SBNO1: variants seen among roughly 807,000 people sequenced by gnomAD.
SBNO1 encodes the protein protein strawberry notch homolog 1.
Under a neutral mutation model 173.6 loss-of-function variants are expected in SBNO1, and 23 were observed. That is an observed-to-expected ratio of 0.13 (90% CI 0.10 to 0.19). The LOEUF (loss-of-function observed/expected upper bound fraction) is 0.19, where lower values mean the gene tolerates loss of function less well. Ranked by LOEUF, SBNO1 falls within the 10% of genes least tolerant of loss-of-function variation. SBNO1 has a pLI of 1.00. For synonymous variants in SBNO1, 632 were observed against 571.5 expected (o/e 1.11, Z -1.51); for missense variants, 1,238 against 1,671.2 (o/e 0.74, Z 4.52).
intron 24 of SBNO1, among the ~76,000 whole-genome samples, chr12:123,313,221 TAAATAAATAAATA>T (rs1413233265): frequency 1.4e-5 from 2 of 143,258 alleles, no homozygotes; most frequent in African/African-American, 5.2e-5. Flanking sequence ...AATAAATAAA[TAAATAAATAAATA>T]AATAAATAAA....
At chr12:123,361,573 A>G (rs1204190339) in intron 1 of SBNO1, among the ~76,000 whole-genome samples, 1 of 151,758 alleles carries the variant, frequency 6.6e-6, no homozygotes, top group Non-Finnish European at 1.5e-5. Context: ...TAAATAAATA[A>G]AAGTACAAAA....
chr12:123,322,101 G>A (rs1346984000), intron 16 of SBNO1, among the ~76,000 whole-genome samples: 1 of 152,112 alleles, frequency 6.6e-6, no homozygotes, highest in African/African-American at 2.4e-5. Context: ...TATAGACATG[G>A]AATACTTAGA....
At chr12:123,342,123 T>C (rs553426100) in intron 4 of SBNO1, among the ~76,000 whole-genome samples, 114 of 152,068 alleles carry the variant, frequency 7.5e-4, no homozygotes, top group Admixed American at 2.8e-3. Context: ...TGGTGGCGCA[T>C]GCTCATAATC....
intron 2 of SBNO1, among the ~76,000 whole-genome samples, chr12:123,350,058 A>G (rs540781435): frequency 7.9e-5 from 12 of 152,334 alleles, no homozygotes; most frequent in Non-Finnish European, 1.6e-4. Context: ...GTTCAAGACC[A>G]GCCTGGGCAA....
At position 123,304,671 on chromosome 12, in the gene SBNO1, T is replaced by C; in HGVS notation, c.3679A>G (p.Lys1227Glu). The C allele has an allele frequency of 6.4e-7, 1 of 1,560,916 alleles. No homozygotes were observed. The highest frequency in any genetic ancestry group is 1.1e-5 in the South Asian group (1 of 88,736). ...TAILVKEVNP[K>E]KKLFLVYRPN... ...CGATAAACTAAGAAAAGTTTCTTTT[T>C]AGGATTCACTTCTTTAACTAAGATG... Residue 1227 changes from lysine (K) to glutamate (E), a missense_variant, in exon 29 of 32, where the codon AAA (lysine) becomes GAA (glutamate). Physicochemically the swap from Lys to Glu is moderately conservative, Grantham distance 56. Transcript: ENST00000602398.
chr12:123,320,654 T>C, intron 18 of SBNO1, 45 bp downstream of exon 18: 1 of 1,598,582 alleles, frequency 6.3e-7, no homozygotes, highest in Non-Finnish European at 8.5e-7. Context: ...TTTAAATATT[T>C]TTGTTTAAAA....
At position 123,289,522 on chromosome 12, in the gene SBNO1, C is replaced by T. The variant is rs2048480437; in HGVS notation, c.*6386G>A. 1 of 152,180 alleles carries T rather than the reference C, an allele frequency of 6.6e-6. No individual in the cohort carries two copies. Among genetic ancestry groups the T allele is most frequent in the African/African-American group, 2.4e-5 (1 of 41,438 alleles). 9.4% of individuals were successfully genotyped at this position (152,180 alleles called of 1,614,324 possible). On this transcript the variant is annotated 3_prime_UTR_variant, in exon 32 of 32. Transcript: ENST00000602398. ...CCTTTGTTTCAAGTTGTCTTTGGATCCCATCAGATGTTGTCTCCAGATGCA... is the reference window on the plus strand; with the variant it reads ...CCTTTGTTTCAAGTTGTCTTTGGATTCCATCAGATGTTGTCTCCAGATGCA...
intron 1 of SBNO1, among the ~76,000 whole-genome samples, chr12:123,352,602 C>T (rs1255288612): frequency 6.6e-6 from 1 of 152,146 alleles, no homozygotes; most frequent in Non-Finnish European, 1.5e-5. Flanking sequence ...CTGAGCATGA[C>T]TTCTAGCATG....
At chr12:123,338,885 CA>C (rs1872178581) in intron 5 of SBNO1, among the ~76,000 whole-genome samples, 1 of 2,866 alleles carries the variant, frequency 3.5e-4, no homozygotes. Flanking sequence ...CACACACACA[CA>C]CACCCCGACA....
chr12:123,317,123 C>A (rs1192634870), intron 21 of SBNO1, 98 bp downstream of exon 21: 9 of 1,266,732 alleles, frequency 7.1e-6, no homozygotes, highest in Non-Finnish European at 1.0e-5. Context: ...CAGGCGTGAG[C>A]CTCTGTGCCC....
At chr12:123,342,255 AAATTAATT>A (rs546186892) in intron 4 of SBNO1, among the ~76,000 whole-genome samples, 1 of 151,800 alleles carries the variant, frequency 6.6e-6, no homozygotes, top group Non-Finnish European at 1.5e-5. Context: ...TGTCTCAAAA[AAATTAATT>A]AATTAATTAA....
At chr12:123,362,117 G>C (rs1242451509) in intron 1 of SBNO1, among the ~76,000 whole-genome samples, 9 of 149,242 alleles carry the variant, frequency 6.0e-5, no homozygotes, top group African/African-American at 2.2e-4. Context: ...TCCAGCCTGG[G>C]CGAGAGAGCG....
chr12:123,332,473 G>A (rs1206168417), intron 7 of SBNO1, among the ~76,000 whole-genome samples: 1 of 151,962 alleles, frequency 6.6e-6, no homozygotes, highest in Non-Finnish European at 1.5e-5. Flanking sequence ...TGTATTTTTA[G>A]TAGAGACAGG....
chr12:123,318,215 G>A (rs547706136), intron 20 of SBNO1, among the ~76,000 whole-genome samples: 11 of 152,130 alleles, frequency 7.2e-5, no homozygotes, highest in Admixed American at 1.3e-4. Flanking sequence ...CGAGGCAGAC[G>A]GATCATTTGA....
At chr12:123,335,626 T>TC (rs1566043629) in intron 6 of SBNO1, among the ~76,000 whole-genome samples, 1 of 152,238 alleles carries the variant, frequency 6.6e-6, no homozygotes, top group East Asian at 1.9e-4. Context: ...CTTGTACAAC[T>TC]ACTTAACATT....
Position 123,328,720 on chromosome 12 carries a change from G to T in SBNO1, c.1296+14C>A. 1 of 1,480,004 alleles carries T rather than the reference G, an allele frequency of 6.8e-7. No homozygotes were observed. The highest frequency in any genetic ancestry group is 9.0e-7 in the Non-Finnish European group (1 of 1,106,020). The allele number at this position is 1,480,004 out of a possible 1,614,324, so 91.7% of individuals were successfully genotyped here. A position where few individuals can be genotyped will look rare whatever the true frequency, so the allele number is the denominator to read the frequency against. ...GTCGTTAAAAAATAGAAAAATATTT[G>T]CCATAAAGGATACCACTCCATCGAA... On this transcript the variant is annotated intron_variant, in intron 10 of 31. Transcript: ENST00000602398.
At chr12:123,334,315 ATAAT>A in intron 6 of SBNO1, 102 bp from the exon 7 acceptor site, 1 of 755,856 alleles carries the variant, frequency 1.3e-6, no homozygotes, top group South Asian at 2.0e-5. Flanking sequence ...ACATAGAAAA[ATAAT>A]TAAAAAGTAT....
intron 15 of SBNO1, among the ~76,000 whole-genome samples, chr12:123,324,385 C>A (rs7310756): frequency 0.95 from 143,952 of 151,114 alleles, 68,699 homozygotes; most frequent in Non-Finnish European, 0.96. Context: ...GCAATGGTGC[C>A]ATCTCAGCTC....
At chr12:123,346,707 T>C (rs1873191772) in intron 3 of SBNO1, among the ~76,000 whole-genome samples, 1 of 151,452 alleles carries the variant, frequency 6.6e-6, no homozygotes, top group African/African-American at 2.4e-5. Context: ...AGTCTACTAT[T>C]TACAACTTTT....
Sources: allele counts gnomAD v4.1 joint callset (sites outside exome capture counted in the v4.1 genomes callset), GRCh38; gene constraint gnomAD v4.1.1; transcripts MANE v1.5; gene names NCBI Gene and HGNC (gene_info 2026-07-23, HGNC 2026-07-21).